RAD54L: variants seen among roughly 807,000 people sequenced by gnomAD.
RAD54L encodes the protein DNA repair and recombination protein RAD54-like.
Under a neutral mutation model 91.6 loss-of-function variants are expected in RAD54L, and 74 were observed. That is an observed-to-expected ratio of 0.81 (90% CI 0.67 to 0.98). The LOEUF (loss-of-function observed/expected upper bound fraction) is 0.98, where lower values mean the gene tolerates loss of function less well. Among genes scored for constraint, RAD54L ranks in the 50% least tolerant of loss-of-function variants. The probability of loss-of-function intolerance (pLI) is 0.00; values close to 1 mark genes in which losing one functional copy is unlikely to be tolerated. For synonymous variants in RAD54L, 304 were observed against 349.7 expected, an observed-to-expected ratio of 0.87 and a Z score of 1.46; for missense variants, 887 against 945.7, an observed-to-expected ratio of 0.94 and a Z score of 0.81.
intron 2 of RAD54L, among the ~76,000 whole-genome samples, chr1:46,249,078 C>T (rs934616335): frequency 6.6e-6 from 1 of 152,156 alleles, no homozygotes; most frequent in Non-Finnish European, 1.5e-5. Flanking sequence ...GGCTCTGCTT[C>T]CTGTTTTGGA....
At position 46,248,328 on chromosome 1, in the gene RAD54L, G is replaced by A. The variant is rs1571708250; in HGVS notation, c.-78G>A. On this transcript the variant is annotated 5_prime_UTR_variant, in exon 1 of 18. Coordinates refer to ENST00000371975, the MANE Select transcript of RAD54L (RefSeq NM_003579.4). ...CAGCCCCCTCTACAGATTAGACCCT[G>A]GTCCTACACTCTTAGCCGCTGCCTG... 1 of 1,567,786 alleles carries A rather than the reference G, an allele frequency of 6.4e-7. No individual in the cohort carries two copies. The highest frequency in any genetic ancestry group is 8.8e-7 in the Non-Finnish European group (1 of 1,141,984).
rs1660091624 is a variant in RAD54L, at chr1:46,260,779, A to G, written c.530A>G (p.His177Arg). The stretch of plus-strand genomic sequence containing the variant: ...ACCAGTCGGCGCATCCCTGGCAGCC[A>G]TGGCTGCATCATGGCTGATGAGATG... Reference protein sequence around the residue: ...CVTSRRIPGSHGCIMADEMGL... With the variant: ...CVTSRRIPGSRGCIMADEMGL... The change falls in exon 7 of 18, where the codon CAT becomes CGT. Residue 177 changes from histidine (H) to arginine (R), a missense_variant. Physicochemically the swap from His to Arg is conservative, Grantham distance 29. Coordinates refer to ENST00000371975, the MANE Select transcript of RAD54L (RefSeq NM_003579.4). 6.2e-7 allele frequency: 1 copy of G among 1,614,082 alleles called. No homozygotes were observed. Among genetic ancestry groups the G allele is most frequent in the African/African-American group, 1.3e-5 (1 of 74,944 alleles).
At position 46,277,632 on chromosome 1, in the gene RAD54L, TTCTCAGGAGACAGACTGG is replaced by T. The variant is rs1660651130; in HGVS notation, c.1870-184_1870-167del. 33 of 694,140 alleles carry T rather than the reference TTCTCAGGAGACAGACTGG, an allele frequency of 4.8e-5. No individual in the cohort carries two copies. In the East Asian group the frequency reaches 8.5e-4, roughly 18 times the overall value. The allele number at this position is 694,140 out of a possible 1,614,324, so 43.0% of individuals were successfully genotyped here. ...GGGTGGGCAGACTATTCATGTCATGTTCTCAGGAGACAGACTGGGAAAATGGACCTCAGCTGAGTAGAG... is the reference window on the plus strand; with the variant it reads ...GGGTGGGCAGACTATTCATGTCATGTGAAAATGGACCTCAGCTGAGTAGAG... On this transcript the variant is annotated intron_variant, in intron 16 of 17. Coordinates refer to ENST00000371975, the MANE Select transcript of RAD54L (RefSeq NM_003579.4).
chr1:46,255,272 G>A (rs1238041979), intron 3 of RAD54L, among the ~76,000 whole-genome samples: 1 of 152,158 alleles, frequency 6.6e-6, no homozygotes, highest in Non-Finnish European at 1.5e-5. Context: ...GAGAGGTTGA[G>A]ATACAAGAGT....
Position 46,267,441 on chromosome 1 carries a change from A to G in RAD54L, c.892-18A>G. 6.2e-7 allele frequency: 1 copy of G among 1,613,688 alleles called. No individual in the cohort carries two copies. The highest frequency in any genetic ancestry group is 8.5e-7 in the Non-Finnish European group (1 of 1,180,020). On this transcript the variant is annotated intron_variant, in intron 8 of 17. Coordinates refer to ENST00000371975, the MANE Select transcript of RAD54L (RefSeq NM_003579.4). ...TAGGGAATGCCACATTGCGCTCTGA[A>G]TAAGGATTCTCTTGCAGGGACACAG...
intron 3 of RAD54L, among the ~76,000 whole-genome samples, chr1:46,256,842 T>A (rs953273307): frequency 9.9e-5 from 15 of 152,028 alleles, no homozygotes; most frequent in South Asian, 2.1e-4. Flanking sequence ...TTACTTTTTT[T>A]AAATTTAAAG....
chr1:46,273,253 A>G (rs1660487945), intron 12 of RAD54L, 102 bp from the exon 13 acceptor site: 1 of 953,544 alleles, frequency 1.0e-6, no homozygotes, highest in Non-Finnish European at 1.7e-6. Context: ...TCTGATGTTG[A>G]GGAAGGCCTT....
Position 46,272,742 on chromosome 1 carries a change from G to C in RAD54L, c.1315G>C (p.Glu439Gln), listed in dbSNP as rs1660470394. The C allele has an allele frequency of 6.2e-7, 1 of 1,614,152 alleles. No individual in the cohort carries two copies. ...RQAKPAEELL[E>Q]GKMSVSSLSS... Reference sequence around the variant, plus strand: ...AGCCAAACCGGCAGAAGAATTGCTTGAGGGCAAGATGAGTGTGTCTTCCCT... The same window carrying C: ...AGCCAAACCGGCAGAAGAATTGCTTCAGGGCAAGATGAGTGTGTCTTCCCT... Residue 439 changes from glutamate to glutamine, a missense_variant, in exon 12 of 18, where the codon GAG (glutamate) becomes CAG (glutamine). Glu to Gln is a conservative substitution (Grantham distance 29). Coordinates refer to ENST00000371975, the MANE Select transcript of RAD54L (RefSeq NM_003579.4).
intron 4 of RAD54L, among the ~76,000 whole-genome samples, chr1:46,259,164 TTCTC>T (rs761864675): frequency 1.2e-4 from 18 of 151,948 alleles, no homozygotes; most frequent in Admixed American, 5.2e-4. Context: ...GAGGCCAGCT[TTCTC>T]TCTCTCTCTT....
In RAD54L at chr1:46,260,993, G is replaced by A. The variant is rs375961732; in HGVS notation, c.744G>A (p.Lys248=). The A allele has an allele frequency of 9.9e-6, 16 of 1,613,886 alleles. 1 individual carries two copies. The African/African-American group carries it at 1.9e-4, about 19-fold the overall frequency. The change falls in exon 7 of 18, where the codon AAG becomes AAA. Residue 248 remains lysine, a synonymous_variant. Transcript: ENST00000371975. The stretch of plus-strand genomic sequence containing the variant: ...CTCTGGCCATCGATGGAGGATCTAA[G>A]GATGAAATAGACCAAAAGCTGGGTA... ...IQPLAIDGGS[K]DEIDQKLEGF...
chr1:46,259,610 T>TA (rs1011836460), intron 4 of RAD54L, among the ~76,000 whole-genome samples: 12 of 151,370 alleles, frequency 7.9e-5, no homozygotes, highest in Non-Finnish European at 1.5e-4. Context: ...CTGTCTCTAC[T>TA]AAAAAAAATA....
intron 2 of RAD54L, 53 bp downstream of exon 2, chr1:46,248,651 A>C: frequency 3.2e-6 from 5 of 1,567,498 alleles, no homozygotes; most frequent in Non-Finnish European, 4.4e-6. Context: ...GACAGAAAAG[A>C]AGCCAGGATT....
intron 8 of RAD54L, among the ~76,000 whole-genome samples, chr1:46,267,082 G>A (rs554646329): frequency 3.3e-5 from 5 of 152,330 alleles, no homozygotes; most frequent in African/African-American, 9.6e-5. Context: ...GCATATGCCT[G>A]TAGTCCCAGC....
chr1:46,256,282 T>C (rs1659938641), intron 3 of RAD54L, among the ~76,000 whole-genome samples: 1 of 152,096 alleles, frequency 6.6e-6, no homozygotes, highest in Admixed American at 6.6e-5. Context: ...TCTCACTACG[T>C]TGCCTAGGGT....
intron 2 of RAD54L, 46 bp from the exon 3 acceptor site, chr1:46,249,954 T>C: frequency 6.2e-7 from 1 of 1,607,516 alleles, no homozygotes; most frequent in Non-Finnish European, 8.5e-7. Context: ...ATTATGGTGA[T>C]TTCTGTGGTC....
chr1:46,275,645 T>G (rs1022290689), intron 16 of RAD54L, among the ~76,000 whole-genome samples: 3 of 152,194 alleles, frequency 2.0e-5, no homozygotes, highest in African/African-American at 2.4e-5. Flanking sequence ...CATATCTCAT[T>G]TCCTTCAACC....
At chr1:46,276,708 C>T (rs1434271193) in intron 16 of RAD54L, among the ~76,000 whole-genome samples, 2 of 152,216 alleles carry the variant, frequency 1.3e-5, no homozygotes, top group Non-Finnish European at 2.9e-5. Flanking sequence ...CCATTGTTCA[C>T]ATACTGCTTC....
intron 8 of RAD54L, 108 bp downstream of exon 8, chr1:46,261,493 G>C: frequency 7.1e-7 from 1 of 1,399,460 alleles, no homozygotes; most frequent in Non-Finnish European, 1.0e-6. Flanking sequence ...GCTGAAGACA[G>C]GATGCTGCCT....
Position 46,248,618 on chromosome 1 carries a change from G to A in RAD54L, c.90+20G>A, listed in dbSNP as rs1031167406. ...CTAGTGGTGAGCACTCAAGGGGACAGGGAAGGTGGGTAGAGCTGTTTGGAC... is the reference window on the plus strand; with the variant it reads ...CTAGTGGTGAGCACTCAAGGGGACAAGGAAGGTGGGTAGAGCTGTTTGGAC... On this transcript the variant is annotated intron_variant, in intron 2 of 17. Transcript: ENST00000371975. 1.4e-5 allele frequency: 22 copies of A among 1,610,470 alleles called. No individual in the cohort carries two copies. Among genetic ancestry groups the A allele is most frequent in the Non-Finnish European group, 1.8e-5 (21 of 1,177,022 alleles).
Sources: gnomAD v4.1 joint callset for allele counts (sites outside exome capture counted in the v4.1 genomes callset) on GRCh38, gnomAD v4.1.1 for gene constraint, MANE v1.5 for transcripts, NCBI Gene and HGNC (gene_info 2026-07-23, HGNC 2026-07-21) for gene names.